MAGI1: variants seen among roughly 807,000 people sequenced by gnomAD.
MAGI1 encodes membrane-associated guanylate kinase, WW and PDZ domain-containing protein 1.
MAGI1 carries 58 observed loss-of-function variants against 139.9 expected under a neutral mutation model. The observed-to-expected ratio is 0.41, with a 90% CI of 0.34 to 0.52. The LOEUF (loss-of-function observed/expected upper bound fraction) is 0.52. MAGI1 is among the 20% of genes least tolerant of loss of function. MAGI1 has a pLI of 0.12. For synonymous variants in MAGI1, 812 were observed against 737.9 expected (o/e 1.10, Z -1.63); for missense variants, 1,874 against 1,901.6 (o/e 0.99, Z 0.27).
At chr3:65,588,822 GA>G (rs1247603971) in intron 2 of MAGI1, among the ~76,000 whole-genome samples, 1 of 152,184 alleles carries the variant, frequency 6.6e-6, no homozygotes, top group African/African-American at 2.4e-5. Flanking sequence ...AACGAATGAT[GA>G]ATGATAGTAG....
intron 1 of MAGI1, among the ~76,000 whole-genome samples, chr3:65,991,355 G>A (rs573493853): frequency 3.3e-5 from 5 of 149,506 alleles, no homozygotes; most frequent in Non-Finnish European, 7.4e-5. Flanking sequence ...ATATGAATAT[G>A]GCAAAACTCA....
chr3:65,762,030 G>A (rs143404646), intron 1 of MAGI1, among the ~76,000 whole-genome samples: 29 of 151,902 alleles, frequency 1.9e-4, no homozygotes, highest in African/African-American at 6.8e-4. Context: ...AGCCTAAAAA[G>A]TTTTCAGGAG....
Position 65,926,327 on chromosome 3 carries a change from TTCTCTCTC to T in MAGI1, c.313+111661_313+111668del, listed in dbSNP as rs377665681. ...GAAGATCCAAGACTGAAGTCTTCTT[TTCTCTCTC>T]TCTCTCTCTCTCTCTCTCTCTCTCT... On this transcript the variant is annotated intron_variant, in intron 1 of 22. Transcript: ENST00000402939. Among the ~76,000 whole-genome samples, 307 of 115,668 alleles carry T rather than the reference TTCTCTCTC, an allele frequency of 2.7e-3. 2 individuals carry two copies. The highest frequency in any genetic ancestry group is 6.0e-3 in the African/African-American group (176 of 29,160). 75.9% of individuals were successfully genotyped at this position (115,668 alleles called of 152,430 possible).
At chr3:65,443,275 C>T (rs1052345975) in intron 7 of MAGI1, among the ~76,000 whole-genome samples, 3 of 152,120 alleles carry the variant, frequency 2.0e-5, no homozygotes, top group African/African-American at 4.8e-5. Flanking sequence ...TGTTGTTTTG[C>T]TCTCCTTGAA....
intron 1 of MAGI1, among the ~76,000 whole-genome samples, chr3:65,629,710 G>GA (rs2084176904): frequency 6.6e-6 from 1 of 152,118 alleles, no homozygotes; most frequent in Admixed American, 6.5e-5. Flanking sequence ...AGCTTTATCT[G>GA]AAAAGGATGT....
chr3:65,467,112 T>G (rs1950223593), intron 5 of MAGI1, among the ~76,000 whole-genome samples: 1 of 152,238 alleles, frequency 6.6e-6, no homozygotes, highest in African/African-American at 2.4e-5. Flanking sequence ...AGTATTCCTT[T>G]GATCCCATGC....
intron 1 of MAGI1, among the ~76,000 whole-genome samples, chr3:65,699,900 T>TA (rs1269448349): frequency 2.8e-4 from 39 of 141,576 alleles, no homozygotes; most frequent in South Asian, 9.0e-4. Flanking sequence ...ATTAAAAAAA[T>TA]AAAAAAAAAA....
rs1304532778 is a variant in MAGI1, at chr3:65,836,603, G to A, written c.313+201393C>T. 5.3e-5 allele frequency among the ~76,000 whole-genome samples: 8 copies of A among 151,978 alleles called. No homozygotes were observed. In the East Asian group the frequency reaches 1.2e-3, roughly 22 times the overall value. On this transcript the variant is annotated intron_variant, in intron 1 of 22. Coordinates refer to ENST00000402939, the MANE Select transcript of MAGI1 (RefSeq NM_001033057.2). ...TGGGAGGCTGAGGCGGGTGGATCACGAGGTCAGGAGTTCAAGACCAGCCTG... is the reference window on the plus strand; with the variant it reads ...TGGGAGGCTGAGGCGGGTGGATCACAAGGTCAGGAGTTCAAGACCAGCCTG...
chr3:65,560,222 G>C (rs556675357), intron 2 of MAGI1, among the ~76,000 whole-genome samples: 8 of 152,290 alleles, frequency 5.3e-5, no homozygotes, highest in African/African-American at 1.9e-4. Context: ...TCACTTTAGT[G>C]AAAGTATCAC....
At chr3:65,865,404 T>C (rs1298679197) in intron 1 of MAGI1, among the ~76,000 whole-genome samples, 1 of 152,084 alleles carries the variant, frequency 6.6e-6, no homozygotes, top group Non-Finnish European at 1.5e-5. Context: ...AAGACCTGCC[T>C]AGGCAACATG....
chr3:65,426,128 G>C (rs1250333555), intron 12 of MAGI1, among the ~76,000 whole-genome samples: 2 of 152,080 alleles, frequency 1.3e-5, no homozygotes, highest in Non-Finnish European at 2.9e-5. Flanking sequence ...AAAAACCTGA[G>C]TGATCGACTG....
intron 1 of MAGI1, among the ~76,000 whole-genome samples, chr3:65,829,479 T>C (rs1002301433): frequency 5.9e-5 from 9 of 152,202 alleles, no homozygotes; most frequent in African/African-American, 1.9e-4. Flanking sequence ...CCTTCTGGCA[T>C]GTCAGGAAGG....
chr3:65,576,318 A>G (rs73132712), intron 2 of MAGI1, among the ~76,000 whole-genome samples: 6,111 of 152,300 alleles, frequency 0.04, 155 homozygotes, highest in Non-Finnish European at 0.064. Flanking sequence ...AACAATCAAT[A>G]TAGTGACACC....
intron 22 of MAGI1, among the ~76,000 whole-genome samples, chr3:65,358,123 G>A (rs1037046269): frequency 6.6e-6 from 1 of 152,012 alleles, no homozygotes; most frequent in African/African-American, 2.4e-5. Context: ...GGTTTCTACA[G>A]GTTTAAAAGC....
intron 1 of MAGI1, among the ~76,000 whole-genome samples, chr3:65,860,334 T>G (rs1361913234): frequency 1.3e-5 from 2 of 152,222 alleles, no homozygotes; most frequent in Non-Finnish European, 2.9e-5. Flanking sequence ...AAAAGCCAAT[T>G]AGATCTATAA....
At chr3:65,930,252 C>G (rs1012318290) in intron 1 of MAGI1, among the ~76,000 whole-genome samples, 1 of 138,702 alleles carries the variant, frequency 7.2e-6, no homozygotes, top group Non-Finnish European at 1.5e-5. Flanking sequence ...GGAGGCGGAG[C>G]TTGCAGTGAG....
intron 1 of MAGI1, among the ~76,000 whole-genome samples, chr3:65,705,398 C>T (rs370264172): frequency 1.3e-5 from 2 of 152,072 alleles, no homozygotes; most frequent in Admixed American, 6.6e-5. Context: ...GGAGCAATAC[C>T]AACAATACAT....
chr3:65,782,755 C>T (rs1160641781), intron 1 of MAGI1, among the ~76,000 whole-genome samples: 2 of 150,718 alleles, frequency 1.3e-5, no homozygotes, highest in Non-Finnish European at 2.9e-5. Flanking sequence ...CAACAGTTAA[C>T]ATCTACTGAG....
chr3:65,960,307 G>T (rs1016538713), intron 1 of MAGI1, among the ~76,000 whole-genome samples: 1 of 152,096 alleles, frequency 6.6e-6, no homozygotes, highest in Non-Finnish European at 1.5e-5. Flanking sequence ...TAAGAAAAAA[G>T]TGATGTCTAG....
Sources: gnomAD v4.1 joint callset for allele counts (sites outside exome capture counted in the v4.1 genomes callset) on GRCh38, gnomAD v4.1.1 for gene constraint, MANE v1.5 for transcripts, NCBI Gene and HGNC (gene_info 2026-07-23, HGNC 2026-07-21) for gene names.